Variants in MYT1L observed in about 807,000 individuals in gnomAD.
MYT1L encodes myelin transcription factor 1-like protein.
A neutral mutation model predicts 126.7 loss-of-function variants in MYT1L; 12 were observed. The observed-to-expected ratio is 0.09, with a 90% CI of 0.06 to 0.15. The LOEUF is 0.15. Ranked by LOEUF, MYT1L falls within the 10% of genes least tolerant of loss-of-function variation. MYT1L has a pLI of 1.00. For synonymous variants in MYT1L, 541 were observed against 604.2 expected, an observed-to-expected ratio of 0.90 and a Z score of 1.53; for missense variants, 979 against 1,585.2, an observed-to-expected ratio of 0.62 and a Z score of 6.49.
At chr2:2,207,413 C>A (rs1432077097) in intron 2 of MYT1L, among the ~76,000 whole-genome samples, 1 of 152,176 alleles carries the variant, frequency 6.6e-6, no homozygotes, top group Non-Finnish European at 1.5e-5. Context: ...CAGAAACGCC[C>A]TGAGGAATTG....
chr2:1,974,040 G>T (rs1214670022), intron 8 of MYT1L, among the ~76,000 whole-genome samples: 1 of 152,200 alleles, frequency 6.6e-6, no homozygotes, highest in Non-Finnish European at 1.5e-5. Context: ...AACAATAGCG[G>T]ACGGTACACC....
intron 1 of MYT1L, among the ~76,000 whole-genome samples, chr2:2,329,496 C>T (rs767326828): frequency 2.0e-5 from 3 of 152,092 alleles, no homozygotes; most frequent in Non-Finnish European, 4.4e-5. Context: ...GCTGATGTCA[C>T]TTTAAATAAT....
chr2:2,177,983 T>G (rs534619688), intron 2 of MYT1L, among the ~76,000 whole-genome samples: 1 of 152,250 alleles, frequency 6.6e-6, no homozygotes, highest in South Asian at 2.1e-4. Flanking sequence ...AGGAGTAGGG[T>G]TGTGACAACT....
intron 2 of MYT1L, among the ~76,000 whole-genome samples, chr2:2,262,938 T>TTATATATATATATATATATATATATA (rs2095021239): frequency 2.6e-5 from 1 of 37,956 alleles, no homozygotes; most frequent in African/African-American, 1.2e-4. Flanking sequence ...ATATAACCTG[T>TTATATATATATATATATATATATATA]GATATATATA....
chr2:1,996,642 C>T (rs34078529), intron 5 of MYT1L, among the ~76,000 whole-genome samples: 13 of 117,178 alleles, frequency 1.1e-4, no homozygotes, highest in Admixed American at 2.9e-4. Context: ...GTAGACGGGC[C>T]GCCTTTACCT....
At chr2:1,835,931 G>C (rs1022089892) in intron 21 of MYT1L, among the ~76,000 whole-genome samples, 12 of 152,162 alleles carry the variant, frequency 7.9e-5, no homozygotes, top group Admixed American at 1.3e-4. Context: ...CTGGAGCCTG[G>C]GGCCTTTCCC....
chr2:2,312,928 T>C (rs995142395), intron 1 of MYT1L, among the ~76,000 whole-genome samples: 21 of 152,132 alleles, frequency 1.4e-4, no homozygotes, highest in African/African-American at 5.1e-4. Flanking sequence ...AATGTATCTT[T>C]GGCTACTTGA....
chr2:1,950,546 CACAG>C (rs2057652790), intron 8 of MYT1L, among the ~76,000 whole-genome samples: 1 of 146,308 alleles, frequency 6.8e-6, no homozygotes, highest in African/African-American at 2.6e-5. Flanking sequence ...GACACAGAGA[CACAG>C]ACAGTTACCC....
intron 8 of MYT1L, chr2:1,974,822 G>A (rs2060047913): frequency 1.3e-5 from 2 of 152,156 alleles, no homozygotes; most frequent in African/African-American, 2.4e-5. Context: ...TGAGTTTTCA[G>A]TAAAATTAGG....
chr2:1,970,887 T>G (rs1207852384), intron 8 of MYT1L, among the ~76,000 whole-genome samples: 2 of 152,230 alleles, frequency 1.3e-5, no homozygotes, highest in Non-Finnish European at 2.9e-5. Flanking sequence ...CAGAACAAGA[T>G]TATAATTGTG....
chr2:2,167,583 C>T (rs1185362504), intron 3 of MYT1L, among the ~76,000 whole-genome samples: 3 of 152,218 alleles, frequency 2.0e-5, no homozygotes, highest in African/African-American at 4.8e-5. Flanking sequence ...AAACTCACCA[C>T]GCCCACCCTG....
At chr2:2,282,709 T>C (rs1333862877) in intron 2 of MYT1L, among the ~76,000 whole-genome samples, 1 of 152,234 alleles carries the variant, frequency 6.6e-6, no homozygotes, top group African/African-American at 2.4e-5. Flanking sequence ...AGAGAATTGA[T>C]GAAGTATATT....
intron 18 of MYT1L, among the ~76,000 whole-genome samples, chr2:1,866,193 T>C (rs1277472128): frequency 7.9e-5 from 12 of 152,124 alleles, no homozygotes; most frequent in Admixed American, 7.9e-4. Flanking sequence ...GTGGAGACCA[T>C]GGCCAAGGGG....
chr2:2,097,362 G>A (rs960945828), intron 3 of MYT1L, among the ~76,000 whole-genome samples: 22 of 152,080 alleles, frequency 1.4e-4, no homozygotes, highest in African/African-American at 4.8e-4. Flanking sequence ...TGTGTGCTCC[G>A]CAGGCTCTTC....
intron 13 of MYT1L, among the ~76,000 whole-genome samples, chr2:1,908,073 A>G (rs1344599423): frequency 6.6e-6 from 1 of 152,194 alleles, no homozygotes; most frequent in African/African-American, 2.4e-5. Context: ...CCTGGTTCCC[A>G]TTCCAGCCAG....
intron 14 of MYT1L, among the ~76,000 whole-genome samples, chr2:1,894,968 A>C (rs2049391732): frequency 6.6e-6 from 1 of 152,230 alleles, no homozygotes; most frequent in African/African-American, 2.4e-5. Flanking sequence ...AACGTCCACA[A>C]AGAGCCTCGA....
chr2:1,872,977 C>A (rs2148721720), intron 18 of MYT1L, among the ~76,000 whole-genome samples: 1 of 152,258 alleles, frequency 6.6e-6, no homozygotes, highest in Non-Finnish European at 1.5e-5. Flanking sequence ...GGTGGCCAAG[C>A]CAGGGAGTGA....
At position 2,322,685 on chromosome 2, in the gene MYT1L, A is replaced by G. The variant is rs79597728; in HGVS notation, c.-521+8282T>C. 8.2e-3 allele frequency among the ~76,000 whole-genome samples: 1,253 copies of G among 152,228 alleles called. 21 individuals carry two copies. The highest frequency in any genetic ancestry group is 0.028 in the African/African-American group (1,153 of 41,532). On this transcript the variant is annotated intron_variant, in intron 1 of 24. Transcript: ENST00000647738. ...AGAAGGGGCTTTCAGGGATCTCTGCATAGAAATGCACAAGGTGAGGTTAAA... is the reference window on the plus strand; with the variant it reads ...AGAAGGGGCTTTCAGGGATCTCTGCGTAGAAATGCACAAGGTGAGGTTAAA...
chr2:2,199,590 T>C (rs1271072565), intron 2 of MYT1L, among the ~76,000 whole-genome samples: 2 of 152,174 alleles, frequency 1.3e-5, no homozygotes, highest in Non-Finnish European at 2.9e-5. Context: ...CTCACAGGAC[T>C]TGAGTGAGGG....
Sources: gnomAD v4.1 joint callset for allele counts (sites outside exome capture counted in the v4.1 genomes callset) on GRCh38, gnomAD v4.1.1 for gene constraint, MANE v1.5 for transcripts, NCBI Gene and HGNC (gene_info 2026-07-23, HGNC 2026-07-21) for gene names.